UNC13C: variants seen among roughly 807,000 people sequenced by gnomAD.
The protein encoded by UNC13C is unc-13 homolog C.
In UNC13C, 174 loss-of-function variants were observed where a neutral mutation model predicts 245.4. The observed-to-expected ratio is 0.71, with a 90% CI of 0.63 to 0.80. UNC13C has a LOEUF of 0.80. UNC13C is among the 30% of genes least tolerant of loss of function. The pLI is 0.00. For synonymous variants in UNC13C, 992 were observed against 895.1 expected (o/e 1.11, Z -1.93); for missense variants, 2,829 against 2,602.9 (o/e 1.09, Z -1.89).
chr15:53,975,363 C>A (rs114519449), upstream of UNC13C, among the ~76,000 whole-genome samples: 9 of 152,062 alleles, frequency 5.9e-5, no homozygotes, highest in Admixed American at 5.9e-4. Context: ...TATTTTTCTC[C>A]GTAATTATCT....
At chr15:53,858,963 T>G in the UNC13C span, among the ~76,000 whole-genome samples, 1 of 85,584 alleles carries the variant, frequency 1.2e-5, no homozygotes, top group African/African-American at 4.1e-5. Context: ...TATTAAAAAT[T>G]ATTGTGTTTA....
intron 27 of UNC13C, 96 bp downstream of exon 27, chr15:54,546,941 T>C: frequency 8.6e-7 from 1 of 1,157,210 alleles, no homozygotes; most frequent in Non-Finnish European, 1.2e-6. Flanking sequence ...TTAAATCCCT[T>C]TGGGGAAAAA....
chr15:54,474,121 C>T (rs1196354938), intron 19 of UNC13C, among the ~76,000 whole-genome samples: 2 of 151,856 alleles, frequency 1.3e-5, no homozygotes, highest in African/African-American at 4.8e-5. Context: ...ACAATAAACA[C>T]GGGGGTGCAG....
chr15:54,014,810 C>T lies in UNC13C; in HGVS notation c.1907C>T (p.Ala636Val), dbSNP rs776642356. Residue 636 changes from alanine (A) to valine (V), a missense_variant, in exon 2 of 33, where the codon GCA (alanine) becomes GTA (valine). Coordinates refer to ENST00000260323, the MANE Select transcript of UNC13C (RefSeq NM_001080534.3). Reference protein sequence around the residue: ...DSGMSNGMVCASGDRSHYSDS... With the variant: ...DSGMSNGMVCVSGDRSHYSDS... ...GGAATGAGTAATGGCATGGTGTGTG[C>T]ATCTGGAGACCGGAGTCATTACAGT... is the stretch of plus-strand genomic sequence containing the variant. 6.8e-6 allele frequency: 11 copies of T among 1,613,780 alleles called. No individual in the cohort carries two copies. Among genetic ancestry groups the T allele is most frequent in the Non-Finnish European group, 9.3e-6 (11 of 1,179,816 alleles).
chr15:54,324,408 A>T (rs2038241175), intron 14 of UNC13C, among the ~76,000 whole-genome samples: 1 of 152,102 alleles, frequency 6.6e-6, no homozygotes, highest in Non-Finnish European at 1.5e-5. Flanking sequence ...AATCTTTAAG[A>T]AAAGAAAACC....
At chr15:54,505,354 A>G (rs1894425812) in intron 22 of UNC13C, among the ~76,000 whole-genome samples, 1 of 152,184 alleles carries the variant, frequency 6.6e-6, no homozygotes, top group Admixed American at 6.6e-5. Flanking sequence ...GTGGTTCTCA[A>G]ACTTTGTATG....
At chr15:54,109,605 G>A (rs1482885619) in intron 2 of UNC13C, among the ~76,000 whole-genome samples, 8 of 151,910 alleles carry the variant, frequency 5.3e-5, no homozygotes, top group African/African-American at 1.9e-4. Context: ...GCCTCCCAAA[G>A]TACTGGGATT....
intron 4 of UNC13C, among the ~76,000 whole-genome samples, chr15:54,189,651 C>G (rs1449877825): frequency 6.6e-6 from 1 of 151,814 alleles, no homozygotes; most frequent in East Asian, 1.9e-4. Flanking sequence ...TAATGCAACA[C>G]AAATGGAAAC....
At chr15:54,016,122 C>T (rs1895645750) in intron 2 of UNC13C, among the ~76,000 whole-genome samples, 1 of 152,106 alleles carries the variant, frequency 6.6e-6, no homozygotes, top group African/African-American at 2.4e-5. Flanking sequence ...CCAAACTTAA[C>T]CCAACACATT....
rs1247728450 is a variant in UNC13C, at chr15:54,124,502, G to T, written c.2984-18516G>T. On this transcript the variant is annotated intron_variant, in intron 2 of 32. Coordinates refer to ENST00000260323, the MANE Select transcript of UNC13C (RefSeq NM_001080534.3). Reference sequence around the variant, plus strand: ...TATTAGATTTTTTCTGTTGAATTTTGAGAGAATTCTTTACATATTACAGAA... The same window carrying T: ...TATTAGATTTTTTCTGTTGAATTTTTAGAGAATTCTTTACATATTACAGAA... Among the ~76,000 whole-genome samples, 3 of 151,944 alleles carry T rather than the reference G, an allele frequency of 2.0e-5. No individual in the cohort carries two copies. In the East Asian group the frequency reaches 5.8e-4, roughly 29 times the overall value.
At chr15:54,077,014 A>T (rs902566869) in intron 2 of UNC13C, among the ~76,000 whole-genome samples, 2 of 152,134 alleles carry the variant, frequency 1.3e-5, no homozygotes, top group African/African-American at 4.8e-5. Flanking sequence ...TATCTGAGAG[A>T]TGAGTAGCTT....
intron 13 of UNC13C, among the ~76,000 whole-genome samples, chr15:54,301,094 T>C (rs1033870435): frequency 6.6e-6 from 1 of 152,100 alleles, no homozygotes; most frequent in African/African-American, 2.4e-5. Flanking sequence ...CCTGGTCTAA[T>C]TTTATAAGTG....
intron 19 of UNC13C, among the ~76,000 whole-genome samples, chr15:54,428,137 C>T (rs553636457): frequency 6.6e-6 from 1 of 151,914 alleles, no homozygotes; most frequent in African/African-American, 2.4e-5. Flanking sequence ...TCCATGAGTG[C>T]TTAAACTTTG....
chr15:54,227,967 C>T (rs1294698987), intron 4 of UNC13C, among the ~76,000 whole-genome samples: 3 of 152,162 alleles, frequency 2.0e-5, no homozygotes, highest in Non-Finnish European at 4.4e-5. Context: ...GCTGGTGGGT[C>T]CAGAGATGCC....
At chr15:54,420,920 G>A (rs1193104641) in intron 19 of UNC13C, among the ~76,000 whole-genome samples, 1 of 151,998 alleles carries the variant, frequency 6.6e-6, no homozygotes, top group African/African-American at 2.4e-5. Flanking sequence ...GATCTACTGT[G>A]CTCTCTTCAT....
intron 17 of UNC13C, among the ~76,000 whole-genome samples, chr15:54,386,841 A>G (rs2039848462): frequency 6.6e-6 from 1 of 152,148 alleles, no homozygotes; most frequent in South Asian, 2.1e-4. Flanking sequence ...CAGTATCTGG[A>G]AGAGAGAAGA....
intron 4 of UNC13C, among the ~76,000 whole-genome samples, chr15:54,207,735 T>C (rs1376395434): frequency 6.6e-6 from 1 of 152,122 alleles, no homozygotes; most frequent in African/African-American, 2.4e-5. Context: ...TTAAAATGAC[T>C]CAATGCCTGT....
chr15:54,286,776 G>A (rs991576226), intron 10 of UNC13C, among the ~76,000 whole-genome samples: 2 of 152,110 alleles, frequency 1.3e-5, no homozygotes, highest in African/African-American at 4.8e-5. Context: ...CACAGCACCT[G>A]TAAATTAGAA....
At chr15:54,418,042 A>G (rs543030953) in intron 19 of UNC13C, among the ~76,000 whole-genome samples, 103 of 152,096 alleles carry the variant, frequency 6.8e-4, no homozygotes, top group Non-Finnish European at 1.2e-3. Flanking sequence ...TGCTGCCTCA[A>G]CGTCCCAAGT....
Sources: gnomAD v4.1 joint callset for allele counts (sites outside exome capture counted in the v4.1 genomes callset) on GRCh38, gnomAD v4.1.1 for gene constraint, MANE v1.5 for transcripts, NCBI Gene and HGNC (gene_info 2026-07-23, HGNC 2026-07-21) for gene names.